Variants in PPP4R2 observed in about 807,000 individuals in gnomAD.
The protein encoded by PPP4R2 is serine/threonine-protein phosphatase 4 regulatory subunit 2.
Under a neutral mutation model 47.2 loss-of-function variants are expected in PPP4R2, and 13 were observed. The observed-to-expected ratio is 0.28, with a 90% confidence interval of 0.18 to 0.44. PPP4R2 has a LOEUF of 0.44. Ranked by LOEUF, PPP4R2 falls within the 20% of genes least tolerant of loss-of-function variation. The probability of loss-of-function intolerance (pLI) is 1.00; values close to 1 mark genes in which losing one functional copy is unlikely to be tolerated. For synonymous variants in PPP4R2, 151 were observed against 163.3 expected, an observed-to-expected ratio of 0.92 and a Z score of 0.57; for missense variants, 421 against 491.2, an observed-to-expected ratio of 0.86 and a Z score of 1.35.
intron 2 of PPP4R2, among the ~76,000 whole-genome samples, chr3:73,038,063 CAT>C (rs1370117340): frequency 1.3e-5 from 2 of 152,062 alleles, no homozygotes; most frequent in Admixed American, 6.6e-5. Flanking sequence ...CTGTCTGACA[CAT>C]GTGGGGGTGA....
At position 73,067,940 on chromosome 3, in the gene PPP4R2, TATTC is replaced by T. The variant is rs1239460573; in HGVS notation, c.*2221_*2224del. The T allele has an allele frequency of 2.0e-5, 3 of 152,222 alleles. No homozygotes were observed. Among genetic ancestry groups the T allele is most frequent in the South Asian group, 2.1e-4 (1 of 4,832 alleles). The allele number at this position is 152,222 out of a possible 1,614,324, so 9.4% of individuals were successfully genotyped here. A position where few individuals can be genotyped will look rare whatever the true frequency, so the allele number is the denominator to read the frequency against. On this transcript the variant is annotated 3_prime_UTR_variant, in exon 9 of 9. Coordinates refer to ENST00000356692, the MANE Select transcript of PPP4R2 (RefSeq NM_174907.4). ...TTTAATAGTTTTAATATTTATTAGA[TATTC>T]ATATGTTGATCATAGATCAAACTTG...
chr3:72,996,951 G>A lies in PPP4R2; in HGVS notation c.-87G>A. On this transcript the variant is annotated 5_prime_UTR_variant, in exon 1 of 9. Coordinates refer to ENST00000356692, the MANE Select transcript of PPP4R2 (RefSeq NM_174907.4). ...TGCCGGAGTGTGTGCGAGGGAGGGG[G>A]AGGGCGTCGGGGGGGTGGGGGGAGG... 1 of 1,065,404 alleles carries A rather than the reference G, an allele frequency of 9.4e-7. No individual in the cohort carries two copies. The highest frequency in any genetic ancestry group is 1.2e-6 in the Non-Finnish European group (1 of 803,400). The allele number at this position is 1,065,404 out of a possible 1,614,324, so 66.0% of individuals were successfully genotyped here.
At chr3:73,026,398 G>C (rs560128712) in intron 2 of PPP4R2, among the ~76,000 whole-genome samples, 1 of 152,126 alleles carries the variant, frequency 6.6e-6, no homozygotes, top group African/African-American at 2.4e-5. Context: ...ACATGCAAGG[G>C]GTCATCTCTT....
chr3:73,042,805 C>T (rs907769564), intron 2 of PPP4R2, among the ~76,000 whole-genome samples: 1 of 152,200 alleles, frequency 6.6e-6, no homozygotes, highest in East Asian at 1.9e-4. Context: ...TGAATTGCAT[C>T]GTATTGATCT....
chr3:73,038,968 C>A (rs1702321687), intron 2 of PPP4R2, among the ~76,000 whole-genome samples: 1 of 152,120 alleles, frequency 6.6e-6, no homozygotes, highest in African/African-American at 2.4e-5. Context: ...CAAATACTTT[C>A]CCTTCAGAAT....
chr3:73,032,093 T>C (rs1702176231), intron 2 of PPP4R2, among the ~76,000 whole-genome samples: 1 of 152,162 alleles, frequency 6.6e-6, no homozygotes, highest in Non-Finnish European at 1.5e-5. Context: ...CTTTTTAAAT[T>C]GATTTTTTTT....
At chr3:73,048,478 A>G (rs970354672) in intron 3 of PPP4R2, among the ~76,000 whole-genome samples, 1 of 145,258 alleles carries the variant, frequency 6.9e-6, no homozygotes, top group Admixed American at 6.9e-5. Context: ...CTGGTCTCCA[A>G]CTCCTGACCT....
chr3:73,007,928 A>G (rs1701645938), intron 2 of PPP4R2, among the ~76,000 whole-genome samples: 2 of 151,556 alleles, frequency 1.3e-5, no homozygotes, highest in Admixed American at 1.3e-4. Flanking sequence ...CATCTGTACA[A>G]TTACTTCTTT....
At chr3:73,055,475 T>A (rs180919675) in intron 3 of PPP4R2, among the ~76,000 whole-genome samples, 1 of 150,130 alleles carries the variant, frequency 6.7e-6, no homozygotes, top group East Asian at 1.9e-4. Flanking sequence ...TATATATATA[T>A]TTAGCAAAGG....
intron 2 of PPP4R2, among the ~76,000 whole-genome samples, chr3:73,033,541 T>G (rs1184579167): frequency 6.6e-6 from 1 of 152,240 alleles, no homozygotes; most frequent in Non-Finnish European, 1.5e-5. Flanking sequence ...ATGCATAAAA[T>G]GAAATTTACC....
chr3:73,037,942 T>C (rs28373771), intron 2 of PPP4R2, among the ~76,000 whole-genome samples: 10 of 152,198 alleles, frequency 6.6e-5, no homozygotes, highest in African/African-American at 1.7e-4. Context: ...GTAATTTTGT[T>C]AGTCAAGGAT....
At chr3:73,002,463 G>T (rs1039577433) in intron 2 of PPP4R2, among the ~76,000 whole-genome samples, 3 of 151,726 alleles carry the variant, frequency 2.0e-5, no homozygotes. Context: ...TTGCTATGTT[G>T]CCTAGGCTGA....
At chr3:73,052,649 C>T (rs1702641875) in intron 3 of PPP4R2, among the ~76,000 whole-genome samples, 1 of 152,062 alleles carries the variant, frequency 6.6e-6, no homozygotes, top group African/African-American at 2.4e-5. Flanking sequence ...ATTTTATGTT[C>T]TCTGAATTTT....
At position 73,015,046 on chromosome 3, in the gene PPP4R2, A is replaced by G. The variant is rs139051812; in HGVS notation, c.116+16888A>G. 5.4e-5 allele frequency: 30 copies of G among 552,428 alleles called. No homozygotes were observed. The African/African-American group carries it at 5.5e-4, about 10-fold the overall frequency. The allele number at this position is 552,428 out of a possible 1,614,324, so 34.2% of individuals were successfully genotyped here. ...AAATATACTCCTGGCCTGTTTATTA[A>G]TAAACATGCCAAAGCAAGCCATTTA... On this transcript the variant is annotated intron_variant, in intron 2 of 8. Coordinates refer to ENST00000356692, the MANE Select transcript of PPP4R2 (RefSeq NM_174907.4).
rs191734303 is a variant in PPP4R2, at chr3:73,062,776, T to C, written c.420-897T>C. 3 of 1,613,934 alleles carry C rather than the reference T, an allele frequency of 1.9e-6. No homozygotes were observed. The Admixed American group carries it at 5.0e-5, about 27-fold the overall frequency. On this transcript the variant is annotated intron_variant, in intron 5 of 8. Coordinates refer to ENST00000356692, the MANE Select transcript of PPP4R2 (RefSeq NM_174907.4). Reference sequence around the variant, plus strand: ...CATGGTGAGAGTGCTGATCTGCTAATCAGCTGCAATGCAGAATCAGCCATA... The same window carrying C: ...CATGGTGAGAGTGCTGATCTGCTAACCAGCTGCAATGCAGAATCAGCCATA...
At position 73,065,492 on chromosome 3, in the gene PPP4R2, G is replaced by A. The variant is rs1246520404; in HGVS notation, c.1024G>A (p.Glu342Lys). 7.4e-6 allele frequency: 12 copies of A among 1,611,700 alleles called. No individual in the cohort carries two copies. The East Asian group carries it at 2.5e-4, about 33-fold the overall frequency. ...AACTGTGAATGAAGAGACTTCTGAGGAAAATAATCAAATGGAGGAATCTGA... is the reference window on the plus strand; with the variant it reads ...AACTGTGAATGAAGAGACTTCTGAGAAAAATAATCAAATGGAGGAATCTGA... Reference protein sequence around the residue: ...ALTVNEETSEENNQMEESDVS... With the variant: ...ALTVNEETSEKNNQMEESDVS... Residue 342 changes from glutamate (E) to lysine (K), a missense_variant, in exon 9 of 9, where the codon GAA becomes AAA. Glu to Lys is a moderately conservative substitution (Grantham distance 56, BLOSUM62 1). Transcript: ENST00000356692.
intron 3 of PPP4R2, among the ~76,000 whole-genome samples, chr3:73,050,224 C>A (rs1367270442): frequency 6.6e-6 from 1 of 152,156 alleles, no homozygotes; most frequent in East Asian, 1.9e-4. Flanking sequence ...CTCAGCCTCC[C>A]AAAGTGCTGG....
chr3:73,021,232 AATTTTTTTTTT>A (rs200049732), intron 2 of PPP4R2, among the ~76,000 whole-genome samples: 1 of 114,732 alleles, frequency 8.7e-6, no homozygotes, highest in Non-Finnish European at 1.9e-5. Flanking sequence ...ATTAAAAAAA[AATTTTTTTTTT>A]TTTTTTTGTA....
Position 72,997,084 on chromosome 3 carries a change from G to T in PPP4R2, c.34+13G>T. 1.4e-6 allele frequency: 2 copies of T among 1,383,528 alleles called. No homozygotes were observed. Among genetic ancestry groups the T allele is most frequent in the South Asian group, 1.7e-5 (1 of 60,122 alleles). The allele number at this position is 1,383,528 out of a possible 1,614,324, so 85.7% of individuals were successfully genotyped here. On this transcript the variant is annotated intron_variant, in intron 1 of 8. Coordinates refer to ENST00000356692, the MANE Select transcript of PPP4R2 (RefSeq NM_174907.4). ...GAGGCGCTGAAAGGTGGGGGTAGCT[G>T]CCCCCTCTCCATTCCCCCTCACCTT...
Sources: allele counts gnomAD v4.1 joint callset (sites outside exome capture counted in the v4.1 genomes callset), GRCh38; gene constraint gnomAD v4.1.1; transcripts MANE v1.5; gene names NCBI Gene and HGNC (gene_info 2026-07-23, HGNC 2026-07-21).